Variants in RAB31 observed in about 807,000 individuals in gnomAD.
The protein encoded by RAB31 is RAB31, member RAS oncogene family, also known as ras-related protein Rab-31.
Under a neutral mutation model 25.6 loss-of-function variants are expected in RAB31, and 21 were observed. The ratio of observed to expected loss-of-function variants is 0.82; its 90% CI spans 0.58 to 1.18. The LOEUF (loss-of-function observed/expected upper bound fraction) is 1.18. Among genes scored for constraint, RAB31 ranks in the 50% most tolerant of loss-of-function variants. The pLI is 0.00. For synonymous variants in RAB31, 87 were observed against 84.0 expected (o/e 1.04, Z -0.20); for missense variants, 196 against 250.1 (o/e 0.78, Z 1.46).
At chr18:9,754,672 A>C (rs1483099900) in intron 1 of RAB31, among the ~76,000 whole-genome samples, 1 of 152,224 alleles carries the variant, frequency 6.6e-6, no homozygotes, top group Non-Finnish European at 1.5e-5. Flanking sequence ...AGTAATCTAG[A>C]GATGATTTAA....
chr18:9,808,292 T>G (rs893226741), intron 3 of RAB31, among the ~76,000 whole-genome samples: 3 of 152,184 alleles, frequency 2.0e-5, no homozygotes, highest in Non-Finnish European at 4.4e-5. Flanking sequence ...ATAGAAAGGT[T>G]TTTTGAATAA....
chr18:9,778,927 A>G (rs2068388047), intron 2 of RAB31, among the ~76,000 whole-genome samples: 1 of 152,258 alleles, frequency 6.6e-6, no homozygotes, highest in Non-Finnish European at 1.5e-5. Context: ...AAAAGAAAAT[A>G]TTACTAAGAA....
chr18:9,769,003 G>C (rs2145487550), intron 1 of RAB31, among the ~76,000 whole-genome samples: 1 of 152,242 alleles, frequency 6.6e-6, no homozygotes, highest in Admixed American at 6.5e-5. Flanking sequence ...TCAGATGTTT[G>C]TAGATGTATG....
chr18:9,856,801 A>G (rs2068818222), intron 6 of RAB31, among the ~76,000 whole-genome samples: 1 of 152,172 alleles, frequency 6.6e-6, no homozygotes. Flanking sequence ...AATATTACTA[A>G]CTTCAATAAT....
chr18:9,808,082 C>T (rs2068551439), intron 3 of RAB31, among the ~76,000 whole-genome samples: 1 of 152,204 alleles, frequency 6.6e-6, no homozygotes, highest in African/African-American at 2.4e-5. Context: ...GCTTGCAGCA[C>T]ATTTGTCAGA....
chr18:9,845,123 C>T (rs1348575842), intron 5 of RAB31, among the ~76,000 whole-genome samples: 1 of 152,160 alleles, frequency 6.6e-6, no homozygotes, highest in Non-Finnish European at 1.5e-5. Context: ...TGCTCGTTTC[C>T]AAACTGTCAC....
At chr18:9,846,656 G>A (rs901844480) in intron 6 of RAB31, among the ~76,000 whole-genome samples, 9 of 152,196 alleles carry the variant, frequency 5.9e-5, no homozygotes, top group African/African-American at 2.2e-4. Context: ...TCCTGCCTGA[G>A]ATCGTTTTTG....
intron 1 of RAB31, among the ~76,000 whole-genome samples, chr18:9,763,509 G>A (rs1048498129): frequency 6.6e-6 from 1 of 151,508 alleles, no homozygotes; most frequent in Non-Finnish European, 1.5e-5. Context: ...TGAATAAATA[G>A]GGTTATCATA....
At chr18:9,801,948 G>A (rs1224360891) in intron 3 of RAB31, among the ~76,000 whole-genome samples, 1 of 152,176 alleles carries the variant, frequency 6.6e-6, no homozygotes. Context: ...TTCTTTGCCC[G>A]ATTGTCTTGG....
chr18:9,857,537 A>G (rs2068822552), intron 6 of RAB31, among the ~76,000 whole-genome samples: 1 of 151,604 alleles, frequency 6.6e-6, no homozygotes, highest in Non-Finnish European at 1.5e-5. Context: ...AAATAAATCA[A>G]TACCACAACC....
chr18:9,727,364 T>A (rs28681253), intron 1 of RAB31, among the ~76,000 whole-genome samples: 14,961 of 152,244 alleles, frequency 0.098, 1,718 homozygotes, highest in African/African-American at 0.27. Flanking sequence ...TCGTCTAGGC[T>A]AGAGTGCAGT....
At chr18:9,740,638 G>A (rs950367602) in intron 1 of RAB31, among the ~76,000 whole-genome samples, 13 of 152,038 alleles carry the variant, frequency 8.6e-5, no homozygotes, top group Admixed American at 8.5e-4. Context: ...GCTTGAATCT[G>A]GGAGGTGGAG....
chr18:9,841,396 G>C (rs995444789), intron 5 of RAB31, among the ~76,000 whole-genome samples: 2 of 151,786 alleles, frequency 1.3e-5, no homozygotes, highest in Non-Finnish European at 2.9e-5. Context: ...AAAGTTAGCC[G>C]AGCGTGGTGG....
At chr18:9,822,164 A>G (rs3960639) in intron 5 of RAB31, among the ~76,000 whole-genome samples, 91,868 of 152,004 alleles carry the variant, frequency 0.6, 28,962 homozygotes, top group Non-Finnish European at 0.68. Context: ...CTACACAAAT[A>G]TGCTCAATTG....
chr18:9,835,149 C>T (rs904959006), intron 5 of RAB31, among the ~76,000 whole-genome samples: 9 of 152,134 alleles, frequency 5.9e-5, no homozygotes, highest in East Asian at 3.8e-4. Flanking sequence ...GTAGCTAAGA[C>T]GGTGTAGGGT....
rs146129328 is a variant in RAB31, at chr18:9,766,438, C to T, written c.40-8840C>T. Among the ~76,000 whole-genome samples the T allele has an allele frequency of 2.1e-5, 3 of 143,580 alleles. No individual in the cohort carries two copies. Among genetic ancestry groups the T allele is most frequent in the Non-Finnish European group, 3.1e-5 (2 of 64,886 alleles). The allele number at this position is 143,580 out of a possible 152,430, so 94.2% of individuals were successfully genotyped here. Reference sequence around the variant, plus strand: ...GCCTGGCAGGCGGGGTGGGCTGAGGCGGGCGGGTGGGGTGTGTATGCTGGT... The same window carrying T: ...GCCTGGCAGGCGGGGTGGGCTGAGGTGGGCGGGTGGGGTGTGTATGCTGGT... On this transcript the variant is annotated intron_variant, in intron 1 of 6. Coordinates refer to ENST00000578921, the MANE Select transcript of RAB31 (RefSeq NM_006868.4). This position sits in a 1 kb window ranked among gnomAD's most constrained non-coding sequence, Gnocchi z 4.3.
At chr18:9,785,588 C>T (rs1292960178) in intron 2 of RAB31, among the ~76,000 whole-genome samples, 1 of 152,178 alleles carries the variant, frequency 6.6e-6, no homozygotes, top group African/African-American at 2.4e-5. Flanking sequence ...TCCTGTCCTC[C>T]TTTTACCTGC....
chr18:9,727,959 A>AGAGAGTAGTCTCT (rs2068103481), intron 1 of RAB31, among the ~76,000 whole-genome samples: 1 of 152,234 alleles, frequency 6.6e-6, no homozygotes, highest in South Asian at 2.1e-4. Flanking sequence ...CTCTTAGCAA[A>AGAGAGTAGTCTCT]TAGATCAGTC....
chr18:9,739,358 G>C (rs2068166308), intron 1 of RAB31, among the ~76,000 whole-genome samples: 1 of 152,134 alleles, frequency 6.6e-6, no homozygotes, highest in Non-Finnish European at 1.5e-5. Flanking sequence ...TGTAGTCCCA[G>C]CTACTCAGGA....
Sources: allele counts gnomAD v4.1 joint callset (sites outside exome capture counted in the v4.1 genomes callset), GRCh38; gene constraint gnomAD v4.1.1; non-coding constraint Gnocchi (gnomAD v3.1); transcripts MANE v1.5; gene names NCBI Gene and HGNC (gene_info 2026-07-23, HGNC 2026-07-21).